RICTOR: variants seen among roughly 807,000 people sequenced by gnomAD.
RICTOR encodes RPTOR independent companion of MTOR complex 2, also known as rapamycin-insensitive companion of mTOR.
In RICTOR, 49 loss-of-function variants were observed where a neutral mutation model predicts 214.9. The ratio of observed to expected loss-of-function variants is 0.23; its 90% CI spans 0.18 to 0.29. The LOEUF (loss-of-function observed/expected upper bound fraction) is 0.29. Ranked by LOEUF, RICTOR falls within the 10% of genes least tolerant of loss-of-function variation. The pLI, the probability that RICTOR is intolerant of heterozygous loss-of-function variation, is 1.00. For synonymous variants in RICTOR, 717 were observed against 711.3 expected, an observed-to-expected ratio of 1.01 and a Z score of -0.13; for missense variants, 1,625 against 2,047.0, an observed-to-expected ratio of 0.79 and a Z score of 3.98.
intron 2 of RICTOR, among the ~76,000 whole-genome samples, chr5:39,067,063 C>T (rs1758957293): frequency 6.6e-6 from 1 of 152,228 alleles, no homozygotes; most frequent in Non-Finnish European, 1.5e-5. Flanking sequence ...TAGAGCAATG[C>T]TCCACGCCCA....
In RICTOR at chr5:38,959,050, T is replaced by G. The variant is rs951764237; in HGVS notation, c.2178+145A>C. On this transcript the variant is annotated intron_variant, in intron 22 of 37. Coordinates refer to ENST00000357387, the MANE Select transcript of RICTOR (RefSeq NM_152756.5). ...CCGATACAAAAATCTGAGTACTATA[T>G]GCAGTTCCTTGGAGAAACTAAAATT... The G allele has an allele frequency of 3.0e-5, 20 of 675,404 alleles. No individual in the cohort carries two copies. The African/African-American group carries it at 3.5e-4, about 12-fold the overall frequency. 41.8% of individuals were successfully genotyped at this position (675,404 alleles called of 1,614,324 possible).
chr5:38,972,207 G>A (rs538918739), intron 10 of RICTOR, among the ~76,000 whole-genome samples: 44 of 152,258 alleles, frequency 2.9e-4, no homozygotes, highest in Non-Finnish European at 5.9e-4. Context: ...TTAATACCCA[G>A]AAAGTTCATG....
chr5:39,072,980 A>C (rs529073493), intron 2 of RICTOR, among the ~76,000 whole-genome samples: 1 of 152,360 alleles, frequency 6.6e-6, no homozygotes, highest in East Asian at 1.9e-4. Context: ...CGTGATAAGC[A>C]AAATAAAACA....
At chr5:39,011,636 C>T (rs1240664056) in intron 3 of RICTOR, among the ~76,000 whole-genome samples, 1 of 152,162 alleles carries the variant, frequency 6.6e-6, no homozygotes, top group East Asian at 1.9e-4. Context: ...TGTGGGAGCT[C>T]ACTTCTTGCA....
chr5:39,065,410 A>G (rs909500990), intron 2 of RICTOR, among the ~76,000 whole-genome samples: 2 of 152,154 alleles, frequency 1.3e-5, no homozygotes, highest in African/African-American at 4.8e-5. Context: ...ACAATTCAAC[A>G]TGAGATTCGG....
At chr5:38,952,671 G>A (rs1417042790) in intron 29 of RICTOR, among the ~76,000 whole-genome samples, 1 of 151,790 alleles carries the variant, frequency 6.6e-6, no homozygotes, top group Admixed American at 6.6e-5. Context: ...TGCAACATGA[G>A]CAAAAAAGGT....
chr5:38,939,571 G>C lies in RICTOR; in HGVS notation c.*2733C>G, dbSNP rs1378971163. 1 of 230,716 alleles carries C rather than the reference G, an allele frequency of 4.3e-6. No homozygotes were observed. Among genetic ancestry groups the C allele is most frequent in the African/African-American group, 2.2e-5 (1 of 45,140 alleles). 14.3% of individuals were successfully genotyped at this position (230,716 alleles called of 1,614,324 possible). A position where few individuals can be genotyped will look rare whatever the true frequency, so the allele number is the denominator to read the frequency against. On this transcript the variant is annotated 3_prime_UTR_variant, in exon 38 of 38. Transcript: ENST00000357387. The stretch of plus-strand genomic sequence containing the variant: ...TTCCTTATTTATCAGTATTTACTTA[G>C]TATGTGAGGCTGAAATCTGTTCTTG...
chr5:39,067,673 C>A (rs1170938534), intron 2 of RICTOR, among the ~76,000 whole-genome samples: 1 of 152,166 alleles, frequency 6.6e-6, no homozygotes, highest in Non-Finnish European at 1.5e-5. Flanking sequence ...GCAACTAAAA[C>A]CTCCATTCCA....
At chr5:39,036,229 G>A (rs1187550171) in intron 2 of RICTOR, among the ~76,000 whole-genome samples, 3 of 152,164 alleles carry the variant, frequency 2.0e-5, no homozygotes, top group Non-Finnish European at 4.4e-5. Flanking sequence ...CTTCATAAGT[G>A]AAGGAGAAAT....
At position 38,959,759 on chromosome 5, in the gene RICTOR, C is replaced by T. The variant is rs776659650; in HGVS notation, c.2051+20G>A. 2 of 1,565,516 alleles carry T rather than the reference C, an allele frequency of 1.3e-6. No individual in the cohort carries two copies. The highest frequency in any genetic ancestry group is 2.2e-5 in the East Asian group (1 of 44,494). On this transcript the variant is annotated intron_variant, in intron 21 of 37. Transcript: ENST00000357387. Reference sequence around the variant, plus strand: ...AATAAAGTTCATGTATATATTGCAACAAAATCTGGGAATGCTCACCACTGA... The same window carrying T: ...AATAAAGTTCATGTATATATTGCAATAAAATCTGGGAATGCTCACCACTGA...
At chr5:38,959,152 T>C (rs755986373) in intron 22 of RICTOR, 43 bp downstream of exon 22, 1 of 1,416,012 alleles carries the variant, frequency 7.1e-7, no homozygotes, top group South Asian at 1.5e-5. Flanking sequence ...AGTAGTGAAT[T>C]AATTGGTTAT....
chr5:39,041,985 T>C (rs1757209483), intron 2 of RICTOR, among the ~76,000 whole-genome samples: 1 of 148,328 alleles, frequency 6.7e-6, no homozygotes, highest in Non-Finnish European at 1.5e-5. Context: ...TAATTAAAAA[T>C]GATTTGAAAC....
intron 24 of RICTOR, among the ~76,000 whole-genome samples, chr5:38,958,190 T>C (rs372321487): frequency 2.6e-5 from 4 of 151,920 alleles, no homozygotes; most frequent in East Asian, 1.9e-4. Context: ...CGAGCCAACA[T>C]TGGACCATTG....
intron 7 of RICTOR, among the ~76,000 whole-genome samples, chr5:38,987,269 T>C (rs1239256): frequency 0.33 from 50,391 of 152,090 alleles, 9,085 homozygotes; most frequent in Admixed American, 0.42. Flanking sequence ...CCACTTTTTC[T>C]ATTGTTTGGA....
Position 38,962,529 on chromosome 5 carries a change from C to CTTTATGGATTTA in RICTOR, c.1623_1624insTAAATCCATAAA (p.Lys541_Glu542insTer). The CTTTATGGATTTA allele has an allele frequency of 6.3e-7, 1 of 1,585,968 alleles. No homozygotes were observed. On this transcript the variant is annotated stop_gained and inframe_insertion, in exon 18 of 38. Coordinates refer to ENST00000357387, the MANE Select transcript of RICTOR (RefSeq NM_152756.5). LOFTEE classifies it high-confidence loss of function. ...AGATTCCAATTCCATTCAAGATTCT[C>CTTTATGGATTTA]TTTATGTTGAAGGACTTGGCTATCT...
intron 2 of RICTOR, among the ~76,000 whole-genome samples, chr5:39,023,957 TC>T (rs1227936622): frequency 1.3e-5 from 2 of 152,176 alleles, no homozygotes; most frequent in African/African-American, 2.4e-5. Flanking sequence ...AGTGTGGCAG[TC>T]CCCAACCTTT....
At position 38,962,318 on chromosome 5, in the gene RICTOR, T is replaced by A. The variant is rs1408741074; in HGVS notation, c.1712A>T (p.His571Leu). 7 of 1,412,064 alleles carry A rather than the reference T, an allele frequency of 5.0e-6. No individual in the cohort carries two copies. The highest frequency in any genetic ancestry group is 4.9e-6 in the Non-Finnish European group (5 of 1,015,162). The allele number at this position is 1,412,064 out of a possible 1,614,324, so 87.5% of individuals were successfully genotyped here. ...NLRNYKDEQLHRFVRRLLYFY... is the reference protein window; with the variant it reads ...NLRNYKDEQLLRFVRRLLYFY... ...ATGCAAAATAGTTCTTACATACCTG[T>A]GTAACTGTTCATCTTTATAGTTTCT... The change falls in exon 19 of 38, where the codon CAC becomes CTC. Residue 571 changes from histidine (H) to leucine (L), a missense_variant. This residue lies in a region of RICTOR where 1,214 missense variants were observed against 1,470.5 expected (regional missense o/e 0.83). Transcript: ENST00000357387.
At chr5:39,007,649 G>A (rs1754183148) in intron 3 of RICTOR, among the ~76,000 whole-genome samples, 2 of 151,960 alleles carry the variant, frequency 1.3e-5, no homozygotes, top group Admixed American at 1.3e-4. Flanking sequence ...GGAATTTACT[G>A]AAGAAATATA....
At chr5:39,023,893 T>C (rs1413497381) in intron 2 of RICTOR, among the ~76,000 whole-genome samples, 1 of 152,228 alleles carries the variant, frequency 6.6e-6, no homozygotes, top group Non-Finnish European at 1.5e-5. Context: ...TCATTGGATT[T>C]TCATGACAGA....
Sources: gnomAD v4.1 joint callset for allele counts (sites outside exome capture counted in the v4.1 genomes callset) on GRCh38, gnomAD v4.1.1 for gene constraint, gnomAD v4.1.1 regional missense constraint, MANE v1.5 for transcripts, NCBI Gene and HGNC (gene_info 2026-07-23, HGNC 2026-07-21) for gene names.